Variants in NEK10 observed in about 807,000 individuals in gnomAD.
NEK10 encodes the protein serine/threonine-protein kinase Nek10.
NEK10 carries 122 observed loss-of-function variants against 159.8 expected under a neutral mutation model. The ratio of observed to expected loss-of-function variants is 0.76; its 90% confidence interval spans 0.66 to 0.89. The LOEUF (loss-of-function observed/expected upper bound fraction) is 0.89, where lower values mean the gene tolerates loss of function less well. Ranked by LOEUF, NEK10 falls within the 40% of genes least tolerant of loss-of-function variation. The pLI, the probability that NEK10 is intolerant of heterozygous loss-of-function variation, is 0.00. For synonymous variants in NEK10, 466 were observed against 457.1 expected, an observed-to-expected ratio of 1.02 and a Z score of -0.25; for missense variants, 1,342 against 1,323.1, an observed-to-expected ratio of 1.01 and a Z score of -0.22.
chr3:27,256,990 A>T (rs982906226), intron 22 of NEK10, among the ~76,000 whole-genome samples: 3 of 142,604 alleles, frequency 2.1e-5, no homozygotes, highest in Non-Finnish European at 4.5e-5. Flanking sequence ...ATCTCGGCTC[A>T]CTGAAACCTC....
intron 29 of NEK10, among the ~76,000 whole-genome samples, chr3:27,170,421 C>T (rs192087908): frequency 6.6e-6 from 1 of 152,234 alleles, no homozygotes; most frequent in Non-Finnish European, 1.5e-5. Flanking sequence ...AGAATATTGG[C>T]CTAGAATATC....
chr3:27,246,322 G>A (rs376987292), intron 23 of NEK10, among the ~76,000 whole-genome samples: 6 of 152,094 alleles, frequency 3.9e-5, no homozygotes, highest in African/African-American at 1.4e-4. Flanking sequence ...TCACCCACCA[G>A]TAAGCATAAT....
chr3:27,263,269 C>T (rs2040577679), intron 22 of NEK10, among the ~76,000 whole-genome samples: 1 of 152,186 alleles, frequency 6.6e-6, no homozygotes, highest in Non-Finnish European at 1.5e-5. Context: ...GGGTCAGGGA[C>T]CCACTTGAGG....
At chr3:27,234,261 C>T (rs1212031871) in intron 23 of NEK10, among the ~76,000 whole-genome samples, 3 of 149,530 alleles carry the variant, frequency 2.0e-5, no homozygotes, top group African/African-American at 7.3e-5. Context: ...AAATTCTGGC[C>T]AGGACAATCA....
At chr3:27,206,689 C>G (rs1950573858) in intron 23 of NEK10, 1 of 943,760 alleles carries the variant, frequency 1.1e-6, no homozygotes, top group Non-Finnish European at 1.3e-6. Flanking sequence ...GATGAAGGCT[C>G]TGTTACAAAC....
chr3:27,164,432 A>C (rs1946298955), intron 29 of NEK10, among the ~76,000 whole-genome samples: 1 of 152,236 alleles, frequency 6.6e-6, no homozygotes, highest in Non-Finnish European at 1.5e-5. Flanking sequence ...ACATAATTTT[A>C]AGTTTTCTGG....
At chr3:27,311,991 T>C in intron 8 of NEK10, 108 bp downstream of exon 8, 1 of 746,648 alleles carries the variant, frequency 1.3e-6, no homozygotes, top group Non-Finnish European at 2.4e-6. Context: ...GAGCTGTGTG[T>C]GCGAACATTA....
intron 8 of NEK10, 21 bp downstream of exon 8, chr3:27,312,078 T>C (rs779610471): frequency 6.4e-7 from 1 of 1,552,602 alleles, no homozygotes; most frequent in Admixed American, 1.7e-5. Context: ...AAAATGGCTG[T>C]GTCCCTGCAA....
intron 31 of NEK10, among the ~76,000 whole-genome samples, chr3:27,139,690 T>G (rs1204060442): frequency 6.6e-6 from 1 of 152,172 alleles, no homozygotes; most frequent in Admixed American, 6.5e-5. Flanking sequence ...TGAGTAAAAC[T>G]TGTACTTAAC....
chr3:27,227,505 A>G, intron 23 of NEK10, among the ~76,000 whole-genome samples: 1 of 152,168 alleles, frequency 6.6e-6, no homozygotes, highest in East Asian at 1.9e-4. Context: ...TCCTCCTCAG[A>G]CATCGGGCAC....
At chr3:27,224,692 G>T (rs1183508623) in intron 23 of NEK10, among the ~76,000 whole-genome samples, 1 of 152,032 alleles carries the variant, frequency 6.6e-6, no homozygotes, top group Non-Finnish European at 1.5e-5. Context: ...TCACTACCCT[G>T]GGATTACTAC....
intron 30 of NEK10, among the ~76,000 whole-genome samples, chr3:27,161,191 T>C (rs1945982490): frequency 6.6e-6 from 1 of 152,220 alleles, no homozygotes; most frequent in African/African-American, 2.4e-5. Flanking sequence ...ATATGTGTGT[T>C]CCATTCTTGC....
intron 23 of NEK10, among the ~76,000 whole-genome samples, chr3:27,232,419 T>C (rs1049658193): frequency 2.0e-5 from 3 of 151,752 alleles, no homozygotes; most frequent in Non-Finnish European, 4.4e-5. Flanking sequence ...AGAGATGACA[T>C]GCACAAATGG....
At chr3:27,114,399 G>A (rs1940068046) in intron 35 of NEK10, among the ~76,000 whole-genome samples, 1 of 152,144 alleles carries the variant, frequency 6.6e-6, no homozygotes. Context: ...TTTAGAAAAT[G>A]AGAATTACTC....
At chr3:27,278,778 G>A in intron 22 of NEK10, 1 of 985,276 alleles carries the variant, frequency 1.0e-6, no homozygotes, top group Non-Finnish European at 1.2e-6. Flanking sequence ...ATCTGGAATG[G>A]TGGGTTCAAG....
intron 26 of NEK10, among the ~76,000 whole-genome samples, chr3:27,185,652 G>A (rs995337857): frequency 1.3e-5 from 2 of 152,182 alleles, no homozygotes; most frequent in Non-Finnish European, 2.9e-5. Flanking sequence ...ATCTGAATAT[G>A]TATCTACTGC....
At chr3:27,235,650 T>C (rs567541594) in intron 23 of NEK10, among the ~76,000 whole-genome samples, 1 of 152,310 alleles carries the variant, frequency 6.6e-6, no homozygotes, top group South Asian at 2.1e-4. Context: ...GAAATGCTTT[T>C]ACATTGTTGA....
At chr3:27,339,258 T>C (rs1049886408) in intron 5 of NEK10, among the ~76,000 whole-genome samples, 1 of 151,892 alleles carries the variant, frequency 6.6e-6, no homozygotes, top group Non-Finnish European at 1.5e-5. Context: ...GAAGTCCTTG[T>C]CCATGCCTAT....
At chr3:27,239,656 G>A (rs895973559) in intron 23 of NEK10, among the ~76,000 whole-genome samples, 10 of 152,078 alleles carry the variant, frequency 6.6e-5, no homozygotes, top group Non-Finnish European at 1.2e-4. Flanking sequence ...TTTTCTATCC[G>A]ATCTTTGTAT....
Sources: gnomAD v4.1 joint callset for allele counts (sites outside exome capture counted in the v4.1 genomes callset) on GRCh38, gnomAD v4.1.1 for gene constraint, MANE v1.5 for transcripts, NCBI Gene and HGNC (gene_info 2026-07-23, HGNC 2026-07-21) for gene names.